The following ZFHX3 variants were observed in gnomAD, a reference collection of about 807,000 sequenced individuals.
ZFHX3 encodes the protein zinc finger homeobox protein 3.
Under a neutral mutation model 279.1 loss-of-function variants are expected in ZFHX3, and 42 were observed. The ratio of observed to expected loss-of-function variants is 0.15; its 90% CI spans 0.12 to 0.19. The LOEUF is 0.19. Ranked by LOEUF, ZFHX3 falls within the 10% of genes least tolerant of loss-of-function variation. The pLI is 1.00. For missense variants in ZFHX3, 4,981 were observed against 4,754.0 expected (o/e 1.05, Z -1.40); for synonymous variants, 2,293 against 1,957.8 (o/e 1.17, Z -4.52).
At chr16:73,527,833 G>A (rs1367258222) in intron 2 of ZFHX3, among the ~76,000 whole-genome samples, 1 of 152,176 alleles carries the variant, frequency 6.6e-6, no homozygotes, top group East Asian at 1.9e-4. Context: ...CCCTACCCAA[G>A]CCTTGAAATG....
At chr16:73,780,860 C>G (rs910456572) in intron 1 of ZFHX3, among the ~76,000 whole-genome samples, 4 of 152,200 alleles carry the variant, frequency 2.6e-5, no homozygotes, top group Non-Finnish European at 4.4e-5. Flanking sequence ...GAAAGTGCAA[C>G]ATAACTGCCA....
At chr16:73,326,065 G>C (rs905122055) in intron 3 of ZFHX3, among the ~76,000 whole-genome samples, 4 of 152,154 alleles carry the variant, frequency 2.6e-5, no homozygotes, top group Admixed American at 2.6e-4. Context: ...GAGGTTTGAA[G>C]CCCAGGAAAG....
intron 3 of ZFHX3, among the ~76,000 whole-genome samples, chr16:73,354,044 A>G (rs2016293423): frequency 6.6e-6 from 1 of 152,204 alleles, no homozygotes; most frequent in African/African-American, 2.4e-5. Flanking sequence ...CTTAGTCAGT[A>G]TGGGACCAAA....
intron 4 of ZFHX3, among the ~76,000 whole-genome samples, chr16:73,303,906 C>A (rs1423168070): frequency 7.1e-6 from 1 of 139,878 alleles, no homozygotes; most frequent in Non-Finnish European, 1.5e-5. Context: ...AAGACATTGG[C>A]TCTGAATCAC....
At chr16:73,059,216 GA>G (rs79055312) in exon 1 of ZFHX3, 22,949 of 121,136 alleles carry the variant, frequency 0.19, 2,452 homozygotes, top group East Asian at 0.37. Flanking sequence ...AGGAAGGGAG[GA>G]AAAAAAAAAA....
At chr16:73,099,797 GAGAAAGC>G (rs1210853703) in intron 7 of ZFHX3, among the ~76,000 whole-genome samples, 2 of 152,004 alleles carry the variant, frequency 1.3e-5, no homozygotes, top group Non-Finnish European at 2.9e-5. Flanking sequence ...GAAGGGGAAG[GAGAAAGC>G]AGGAACAGGC....
chr16:73,258,244 A>G (rs1261370172), intron 4 of ZFHX3, among the ~76,000 whole-genome samples: 2 of 152,092 alleles, frequency 1.3e-5, no homozygotes, highest in Non-Finnish European at 2.9e-5. Flanking sequence ...GAATCATCCA[A>G]TATCACACAA....
At chr16:73,626,645 T>C (rs190477530) in intron 2 of ZFHX3, among the ~76,000 whole-genome samples, 6 of 152,234 alleles carry the variant, frequency 3.9e-5, no homozygotes, top group Non-Finnish European at 2.9e-5. Flanking sequence ...CAGTACCATC[T>C]TTCTCTGGAA....
At chr16:73,394,698 T>C (rs961272909) in intron 3 of ZFHX3, among the ~76,000 whole-genome samples, 7 of 152,296 alleles carry the variant, frequency 4.6e-5, no homozygotes, top group African/African-American at 1.4e-4. Context: ...TAAAAACTGG[T>C]ATGGTAAATA....
At chr16:73,081,943 C>T (rs146584439) in intron 8 of ZFHX3, among the ~76,000 whole-genome samples, 10,664 of 150,478 alleles carry the variant, frequency 0.071, 1,168 homozygotes, top group African/African-American at 0.24. Flanking sequence ...TTCAAGGGAT[C>T]CTCCTGCCTC....
intron 4 of ZFHX3, among the ~76,000 whole-genome samples, chr16:72,875,350 C>G (rs955449512): frequency 6.6e-6 from 1 of 152,236 alleles, no homozygotes; most frequent in Admixed American, 6.5e-5. Context: ...GTTGTGAGCC[C>G]AGCCCTGCAG....
intron 3 of ZFHX3, among the ~76,000 whole-genome samples, chr16:73,377,715 C>T (rs1388520551): frequency 1.3e-5 from 2 of 150,694 alleles, no homozygotes; most frequent in Non-Finnish European, 3.0e-5. Flanking sequence ...ATAAACAATG[C>T]TGCAATGGAG....
chr16:73,340,660 G>A (rs917267055), intron 3 of ZFHX3, among the ~76,000 whole-genome samples: 2 of 152,204 alleles, frequency 1.3e-5, no homozygotes, highest in African/African-American at 4.8e-5. Flanking sequence ...ATAGGCGTGA[G>A]CCACCGTGCC....
chr16:73,060,332 C>G (rs1008761220), upstream of ZFHX3: 2 of 151,674 alleles, frequency 1.3e-5, no homozygotes, highest in Non-Finnish European at 2.9e-5. Flanking sequence ...AGACTAGGAG[C>G]GGTACATCCC....
chr16:72,965,070 G>A (rs985108084), intron 1 of ZFHX3, among the ~76,000 whole-genome samples: 1 of 135,226 alleles, frequency 7.4e-6, no homozygotes, highest in Non-Finnish European at 1.7e-5. Flanking sequence ...GTATAGATGG[G>A]GTTTCACCAT....
In ZFHX3 at chr16:72,958,210, C is replaced by T. The variant is rs751545264; in HGVS notation, c.1936G>A (p.Asp646Asn). 13 of 1,611,630 alleles carry T rather than the reference C, an allele frequency of 8.1e-6. No individual in the cohort carries two copies. The highest frequency in any genetic ancestry group is 1.6e-4 in the Middle Eastern group (1 of 6,076). Residue 646 changes from aspartate to asparagine, a missense_variant, in exon 2 of 10, where the codon GAC becomes AAC. Physicochemically the swap from Asp to Asn is conservative, Grantham distance 23 (BLOSUM62 1). Around this residue, in one of 7 missense-constraint regions of ZFHX3, gnomAD observed 1,068 missense variants for 935.2 expected, o/e 1.14. Coordinates refer to ENST00000268489, the MANE Select transcript of ZFHX3 (RefSeq NM_006885.4). ...SGSGVECPKC[D>N]TVLGSSRSLG... is the part of the protein sequence containing the mutation. ...GAGCGGGAGGAGCCCAGGACCGTGT[C>T]GCATTTGGGGCACTCCACGCCACTC... is the stretch of plus-strand genomic sequence containing the variant.
At chr16:73,682,918 GAGAA>G (rs1465022366) in intron 1 of ZFHX3, among the ~76,000 whole-genome samples, 1 of 39,330 alleles carries the variant, frequency 2.5e-5, no homozygotes, top group Non-Finnish European at 5.4e-5. Flanking sequence ...GAAAGAAAGA[GAGAA>G]AGAGAAAGAA....
chr16:73,717,570 T>G (rs1019515163), intron 1 of ZFHX3, among the ~76,000 whole-genome samples: 1 of 152,186 alleles, frequency 6.6e-6, no homozygotes. Context: ...AACAAGCCTT[T>G]TGATATTCAT....
intron 2 of ZFHX3, among the ~76,000 whole-genome samples, chr16:73,548,319 C>T (rs1466496455): frequency 2.6e-5 from 4 of 152,156 alleles, no homozygotes; most frequent in South Asian, 4.1e-4. Context: ...CCTAATAAAC[C>T]GAACACTGGA....
Sources: allele counts gnomAD v4.1 joint callset (sites outside exome capture counted in the v4.1 genomes callset), GRCh38; gene constraint gnomAD v4.1.1; regional missense constraint gnomAD v4.1.1; transcripts MANE v1.5; gene names NCBI Gene and HGNC (gene_info 2026-07-23, HGNC 2026-07-21).